Variants in GTF2H1 observed in about 807,000 individuals in gnomAD.
GTF2H1 encodes the protein general transcription factor IIH subunit 1.
In GTF2H1, 16 loss-of-function variants were observed where a neutral mutation model predicts 71.2. The observed-to-expected ratio is 0.22, with a 90% CI of 0.15 to 0.34. The LOEUF is 0.34. Ranked by LOEUF, GTF2H1 falls within the 10% of genes least tolerant of loss-of-function variation. The pLI is 1.00. For missense variants in GTF2H1, 498 were observed against 648.2 expected (o/e 0.77, Z 2.52); for synonymous variants, 215 against 219.0 (o/e 0.98, Z 0.16).
intron 7 of GTF2H1, among the ~76,000 whole-genome samples, chr11:18,343,115 T>A (rs950564321): frequency 6.6e-6 from 1 of 151,610 alleles, no homozygotes; most frequent in Non-Finnish European, 1.5e-5. Flanking sequence ...ACAGGCGGGG[T>A]TTCATCATGT....
chr11:18,333,900 A>G (rs535904576), intron 2 of GTF2H1, among the ~76,000 whole-genome samples: 35 of 152,308 alleles, frequency 2.3e-4, no homozygotes, highest in Admixed American at 9.2e-4. Flanking sequence ...TTCTGTTGAG[A>G]AGACTCAACC....
rs1865595610 is a variant in GTF2H1 at position 18,357,852 on chromosome 11, C to CACT, written c.1261-99_1261-97dup. On this transcript the variant is annotated intron_variant, in intron 11 of 14. Coordinates refer to ENST00000265963, the MANE Select transcript of GTF2H1 (RefSeq NM_005316.4). ...TGTAGTATTTAAACAAAAGGAAAAG[C>CACT]ACTTCATTGTCTGCTCTAAAACTAA... The CACT allele has an allele frequency of 6.8e-6, 5 of 737,046 alleles. No homozygotes were observed. In the Admixed American group the frequency reaches 1.0e-4, roughly 15 times the overall value. 45.7% of individuals were successfully genotyped at this position (737,046 alleles called of 1,614,324 possible). A position where few individuals can be genotyped will look rare whatever the true frequency, so the allele number is the denominator to read the frequency against.
chr11:18,341,124 A>G (rs751282694), intron 5 of GTF2H1, 137 bp from the exon 6 acceptor site: 3 of 626,320 alleles, frequency 4.8e-6, no homozygotes, highest in Non-Finnish European at 8.3e-6. Flanking sequence ...TCATATTTAT[A>G]ATTAGATTAT....
chr11:18,345,316 A>T (rs1865264504), intron 7 of GTF2H1, among the ~76,000 whole-genome samples: 2 of 152,120 alleles, frequency 1.3e-5, no homozygotes, highest in African/African-American at 4.8e-5. Flanking sequence ...ATTCAATGAC[A>T]TTTTCCACTT....
At chr11:18,324,747 T>C (rs1345546462) in intron 1 of GTF2H1, among the ~76,000 whole-genome samples, 2 of 152,186 alleles carry the variant, frequency 1.3e-5, no homozygotes, top group Non-Finnish European at 2.9e-5. Flanking sequence ...TTCACCACTT[T>C]GATTACCAAC....
chr11:18,363,718 G>A (rs1865757433), intron 14 of GTF2H1, among the ~76,000 whole-genome samples: 1 of 152,162 alleles, frequency 6.6e-6, no homozygotes, highest in African/African-American at 2.4e-5. Flanking sequence ...AAGGATGGCA[G>A]ATAGGTTTCA....
intron 2 of GTF2H1, among the ~76,000 whole-genome samples, chr11:18,335,265 G>A (rs1001557335): frequency 6.6e-6 from 1 of 152,164 alleles, no homozygotes; most frequent in Non-Finnish European, 1.5e-5. Flanking sequence ...ATGAGGCTAA[G>A]TTTGATAACT....
In GTF2H1 at chr11:18,338,372, A is replaced by G; in HGVS notation, c.513+98A>G. The G allele has an allele frequency of 9.5e-6, 7 of 738,106 alleles. No individual in the cohort carries two copies. In the South Asian group the frequency reaches 1.2e-4, roughly 13 times the overall value. 45.7% of individuals were successfully genotyped at this position (738,106 alleles called of 1,614,324 possible). ...CTTTTGTAAAACTTAGCATTTCCTT[A>G]AAGGAAAGTAATGGAAAATTGAGTA... On this transcript the variant is annotated intron_variant, in intron 4 of 14. Transcript: ENST00000265963.
chr11:18,347,953 C>T, intron 9 of GTF2H1, 34 bp downstream of exon 9: 1 of 1,320,550 alleles, frequency 7.6e-7, no homozygotes, highest in Non-Finnish European at 1.1e-6. Flanking sequence ...ATTTGGGGCT[C>T]AAGTTTCTCC....
intron 1 of GTF2H1, among the ~76,000 whole-genome samples, chr11:18,330,097 C>A (rs751366108): frequency 1.3e-5 from 2 of 152,158 alleles, no homozygotes; most frequent in Non-Finnish European, 2.9e-5. Context: ...CAAAACGCAT[C>A]GAACAGAATG....
At position 18,339,544 on chromosome 11, in the gene GTF2H1, G is replaced by T; in HGVS notation, c.514-20G>T. On this transcript the variant is annotated intron_variant, in intron 4 of 14. Coordinates refer to ENST00000265963, the MANE Select transcript of GTF2H1 (RefSeq NM_005316.4). Reference sequence around the variant, plus strand: ...TTCCCTGATGCTCTAACGTGTATGTGTGTATGGGCTTTGTTTTAGGCTGAT... The same window carrying T: ...TTCCCTGATGCTCTAACGTGTATGTTTGTATGGGCTTTGTTTTAGGCTGAT... 6.4e-7 allele frequency: 1 copy of T among 1,555,876 alleles called. No homozygotes were observed. Among genetic ancestry groups the T allele is most frequent in the Non-Finnish European group, 8.9e-7 (1 of 1,127,474 alleles).
chr11:18,362,729 G>A (rs537583661), intron 14 of GTF2H1, among the ~76,000 whole-genome samples: 3 of 143,068 alleles, frequency 2.1e-5, no homozygotes, highest in Admixed American at 7.1e-5. Flanking sequence ...GGAGTGCAAT[G>A]GCATGATCAC....
At chr11:18,348,652 TAGAG>T (rs1192212436) in intron 9 of GTF2H1, 3 of 152,162 alleles carry the variant, frequency 2.0e-5, no homozygotes, top group African/African-American at 2.4e-5. Flanking sequence ...ATTAATACAA[TAGAG>T]ATTGATGCAA....
intron 1 of GTF2H1, among the ~76,000 whole-genome samples, chr11:18,326,738 C>G (rs916396268): frequency 6.6e-6 from 1 of 152,226 alleles, no homozygotes; most frequent in South Asian, 2.1e-4. Flanking sequence ...GCTTTTCTTC[C>G]AACTGCTGAC....
At chr11:18,337,976 C>A in intron 3 of GTF2H1, 133 bp from the exon 4 acceptor site, 1 of 581,362 alleles carries the variant, frequency 1.7e-6, no homozygotes, top group Non-Finnish European at 3.0e-6. Context: ...ACTGAAGGAC[C>A]TCTGCTGCTC....
chr11:18,362,621 C>G (rs1176161049), intron 14 of GTF2H1, among the ~76,000 whole-genome samples: 1 of 149,820 alleles, frequency 6.7e-6, no homozygotes, highest in Non-Finnish European at 1.5e-5. Context: ...CTCTCTTTCT[C>G]TCTCTCTCTC....
intron 5 of GTF2H1, among the ~76,000 whole-genome samples, 199 bp downstream of exon 5, chr11:18,339,856 A>G (rs1193474197): frequency 6.6e-6 from 1 of 152,222 alleles, no homozygotes; most frequent in Non-Finnish European, 1.5e-5. Flanking sequence ...TATGACTGCC[A>G]TTCGAGTCTG....
intron 5 of GTF2H1, among the ~76,000 whole-genome samples, 173 bp from the exon 6 acceptor site, chr11:18,341,088 C>T (rs1360017206): frequency 6.6e-6 from 1 of 152,144 alleles, no homozygotes; most frequent in Non-Finnish European, 1.5e-5. Flanking sequence ...AGAGGTCATA[C>T]CTCACCTAAT....
chr11:18,338,092 T>C lies in GTF2H1; in HGVS notation c.348-17T>C. 1 of 1,575,954 alleles carries C rather than the reference T, an allele frequency of 6.3e-7. No homozygotes were observed. Among genetic ancestry groups the C allele is most frequent in the Admixed American group, 1.7e-5 (1 of 59,686 alleles). On this transcript the variant is annotated splice_polypyrimidine_tract_variant and intron_variant, in intron 3 of 14. Coordinates refer to ENST00000265963, the MANE Select transcript of GTF2H1 (RefSeq NM_005316.4). ...ATTCTAGAAGTTCAGTTATATTCAG[T>C]ATATTCTGCTTTACAGAATGCTGCA...
Sources: allele counts gnomAD v4.1 joint callset (sites outside exome capture counted in the v4.1 genomes callset), GRCh38; gene constraint gnomAD v4.1.1; transcripts MANE v1.5; gene names NCBI Gene and HGNC (gene_info 2026-07-23, HGNC 2026-07-21).